TBC1D21: variants seen among roughly 807,000 people sequenced by gnomAD.
TBC1D21 encodes the protein male germ cell Rab GTPase-activating protein.
A neutral mutation model predicts 46.0 loss-of-function variants in TBC1D21; 38 were observed. The observed-to-expected ratio is 0.83, with a 90% CI of 0.64 to 1.08. TBC1D21 has a LOEUF of 1.08. TBC1D21 is among the 50% of genes least tolerant of loss of function. TBC1D21 has a pLI of 0.00. For synonymous variants in TBC1D21, 151 were observed against 157.2 expected, an observed-to-expected ratio of 0.96 and a Z score of 0.29; for missense variants, 415 against 417.9, an observed-to-expected ratio of 0.99 and a Z score of 0.06.
At chr15:73,877,787 C>T (rs1344034428) in intron 1 of TBC1D21, among the ~76,000 whole-genome samples, 2 of 152,162 alleles carry the variant, frequency 1.3e-5, no homozygotes, top group African/African-American at 2.4e-5. Flanking sequence ...ATATAATTTA[C>T]CATACTAACA....
the TBC1D21 span, among the ~76,000 whole-genome samples, chr15:73,904,815 G>A: frequency 2.6e-5 from 4 of 152,130 alleles, no homozygotes; most frequent in Non-Finnish European, 5.9e-5. Flanking sequence ...GAAGAGACAC[G>A]GAGAGAAGAG....
At chr15:73,879,001 C>T (rs1245714342) in intron 1 of TBC1D21, among the ~76,000 whole-genome samples, 1 of 152,182 alleles carries the variant, frequency 6.6e-6, no homozygotes, top group Non-Finnish European at 1.5e-5. Context: ...AGGGCAGACC[C>T]TGCTTCCCAG....
At chr15:73,881,910 C>T (rs996232023) in intron 3 of TBC1D21, among the ~76,000 whole-genome samples, 163 bp downstream of exon 3, 1 of 152,118 alleles carries the variant, frequency 6.6e-6, no homozygotes, top group Non-Finnish European at 1.5e-5. Context: ...GCGGCCAGTT[C>T]GTGCCAGTGC....
At chr15:73,882,653 C>T (rs562427469) in intron 3 of TBC1D21, among the ~76,000 whole-genome samples, 1 of 152,348 alleles carries the variant, frequency 6.6e-6, no homozygotes, top group African/African-American at 2.4e-5. Flanking sequence ...CTCTGATTTA[C>T]ACCCTGGGTA....
In TBC1D21 at chr15:73,889,200, A is replaced by C. The variant is rs2141587820; in HGVS notation, c.*99A>C. On this transcript the variant is annotated 3_prime_UTR_variant, in exon 11 of 11. Transcript: ENST00000300504. ...TAGATAAAACAGCTGCAATATAAAC[A>C]GTCCTCTGGAATAATGGTTTGTGGT... The C allele has an allele frequency of 4.5e-6, 6 of 1,339,322 alleles. No individual in the cohort carries two copies. The highest frequency in any genetic ancestry group is 6.3e-6 in the Non-Finnish European group (6 of 951,484). The allele number at this position is 1,339,322 out of a possible 1,614,324, so 83.0% of individuals were successfully genotyped here. A position where few individuals can be genotyped will look rare whatever the true frequency, so the allele number is the denominator to read the frequency against.
At chr15:73,899,014 T>C in the TBC1D21 span, among the ~76,000 whole-genome samples, 2 of 151,506 alleles carry the variant, frequency 1.3e-5, no homozygotes, top group African/African-American at 4.8e-5. Context: ...AAATCTGGCA[T>C]ATATTTTACA....
intron 1 of TBC1D21, among the ~76,000 whole-genome samples, chr15:73,876,220 T>TTTG (rs2068061344): frequency 2.2e-5 from 1 of 46,196 alleles, no homozygotes; most frequent in Non-Finnish European, 3.7e-5. Context: ...TTTTTTTTTT[T>TTTG]TTTTTTTTTT....
chr15:73,875,153 G>T (rs1368385362), intron 1 of TBC1D21, among the ~76,000 whole-genome samples: 1 of 151,990 alleles, frequency 6.6e-6, no homozygotes, highest in Admixed American at 6.5e-5. Context: ...AGAGACTGAG[G>T]CAGGAGAATC....
intron 9 of TBC1D21, 134 bp from the exon 10 acceptor site, chr15:73,888,296 G>A (rs2068286713): frequency 2.9e-6 from 2 of 697,120 alleles, no homozygotes; most frequent in African/African-American, 1.8e-5. Flanking sequence ...CTGGGGAGAG[G>A]TCAGGTGGTC....
intron 9 of TBC1D21, 74 bp downstream of exon 9, chr15:73,887,810 G>A: frequency 7.5e-7 from 1 of 1,327,514 alleles, no homozygotes; most frequent in Non-Finnish European, 1.1e-6. Flanking sequence ...CCAGCTGAAA[G>A]ACCGGGGTTC....
chr15:73,907,457 G>C, the TBC1D21 span, among the ~76,000 whole-genome samples: 2 of 152,188 alleles, frequency 1.3e-5, no homozygotes, highest in Non-Finnish European at 2.9e-5. Context: ...ATCTTAGCTT[G>C]ACCACTTCCT....
In TBC1D21 at chr15:73,886,009, A is replaced by G. The variant is rs1390957910; in HGVS notation, c.580-69A>G. 3 of 1,333,724 alleles carry G rather than the reference A, an allele frequency of 2.2e-6. No homozygotes were observed. In the Middle Eastern group the frequency reaches 5.4e-4, roughly 239 times the overall value. The allele number at this position is 1,333,724 out of a possible 1,614,324, so 82.6% of individuals were successfully genotyped here. A position where few individuals can be genotyped will look rare whatever the true frequency, so the allele number is the denominator to read the frequency against. ...AGCCTCCAGAAGTGAAGCTGGGGGA[A>G]GCAGAGTTGACTCTTCCGGTGCCTT... On this transcript the variant is annotated intron_variant, in intron 6 of 10. Coordinates refer to ENST00000300504, the MANE Select transcript of TBC1D21 (RefSeq NM_153356.3).
chr15:73,873,684 A>G lies in TBC1D21; in HGVS notation c.-26A>G, dbSNP rs556929159. On this transcript the variant is annotated 5_prime_UTR_variant, in exon 1 of 11. Coordinates refer to ENST00000300504, the MANE Select transcript of TBC1D21 (RefSeq NM_153356.3). ...AGGGCTCCAAGTGAGTTCTGATCAG[A>G]GGCTGTTCGGAAGACAGCAGGGGCC... is the stretch of plus-strand genomic sequence containing the variant. 1.3e-5 allele frequency: 20 copies of G among 1,591,460 alleles called. No individual in the cohort carries two copies. The East Asian group carries it at 3.9e-4, about 31-fold the overall frequency.
At chr15:73,886,374 G>C in intron 7 of TBC1D21, 138 bp from the exon 8 acceptor site, 1 of 893,336 alleles carries the variant, frequency 1.1e-6, no homozygotes. Flanking sequence ...CCATCTCCCA[G>C]GGCAGCTGGA....
At chr15:73,898,880 A>AAAAAAATAT in the TBC1D21 span, among the ~76,000 whole-genome samples, 23 of 56,798 alleles carry the variant, frequency 4.0e-4, no homozygotes, top group Non-Finnish European at 5.7e-4. Context: ...AAAAAAAAAA[A>AAAAAAATAT]ATATATATAT....
In TBC1D21 at chr15:73,888,524, C is replaced by T. The variant is rs372522856; in HGVS notation, c.978+11C>T. ...CTCATCCAGAAGGATGTAAGTTGCC[C>T]CAATGATGTGTCCTCCTCCTCCTCT... On this transcript the variant is annotated intron_variant, in intron 10 of 10. Coordinates refer to ENST00000300504, the MANE Select transcript of TBC1D21 (RefSeq NM_153356.3). 356 of 1,610,786 alleles carry T rather than the reference C, an allele frequency of 2.2e-4. No individual in the cohort carries two copies. The highest frequency in any genetic ancestry group is 2.8e-4 in the Non-Finnish European group (329 of 1,177,634).
the TBC1D21 span, among the ~76,000 whole-genome samples, chr15:73,903,454 A>C: frequency 6.6e-6 from 1 of 152,164 alleles, no homozygotes; most frequent in African/African-American, 2.4e-5. Flanking sequence ...AGGGGGCTGA[A>C]CCTCAGTGTT....
intron 6 of TBC1D21, 48 bp from the exon 7 acceptor site, chr15:73,886,030 G>A (rs2068239168): frequency 1.3e-6 from 2 of 1,549,220 alleles, no homozygotes; most frequent in South Asian, 1.1e-5. Context: ...CTCTTCCGGT[G>A]CCTTGAAGCC....
the TBC1D21 span, among the ~76,000 whole-genome samples, chr15:73,901,063 G>A: frequency 0.23 from 34,627 of 152,018 alleles, 4,798 homozygotes; most frequent in East Asian, 0.68. Flanking sequence ...GAAAGTTGTC[G>A]AACTACCAGG....
Sources: allele counts gnomAD v4.1 joint callset (sites outside exome capture counted in the v4.1 genomes callset), GRCh38; gene constraint gnomAD v4.1.1; transcripts MANE v1.5; gene names NCBI Gene and HGNC (gene_info 2026-07-23, HGNC 2026-07-21).